Variants in COL25A1 observed in about 807,000 individuals in gnomAD.
The protein encoded by COL25A1 is collagen type XXV alpha 1 chain, also known as collagen alpha-1(XXV) chain.
A neutral mutation model predicts 128.4 loss-of-function variants in COL25A1; 103 were observed. The observed-to-expected ratio is 0.80, with a 90% confidence interval of 0.68 to 0.94. The LOEUF is 0.94. COL25A1 is among the 40% of genes least tolerant of loss of function. The probability of loss-of-function intolerance (pLI) is 0.00; values close to 1 mark genes in which losing one functional copy is unlikely to be tolerated. For missense variants in COL25A1, 745 were observed against 840.0 expected (o/e 0.89, Z 1.40); for synonymous variants, 279 against 277.2 (o/e 1.01, Z -0.06).
At chr4:109,217,691 A>G (rs1173210058) in intron 3 of COL25A1, among the ~76,000 whole-genome samples, 1 of 152,154 alleles carries the variant, frequency 6.6e-6, no homozygotes, top group Non-Finnish European at 1.5e-5. Flanking sequence ...TCCTTTGTGG[A>G]TCACGTTTGA....
At chr4:109,235,415 G>T (rs1779407746) in intron 3 of COL25A1, among the ~76,000 whole-genome samples, 1 of 152,080 alleles carries the variant, frequency 6.6e-6, no homozygotes, top group South Asian at 2.1e-4. Flanking sequence ...GGGAAGATCT[G>T]AGAAGATACT....
intron 6 of COL25A1, among the ~76,000 whole-genome samples, chr4:109,008,395 T>C (rs545435362): frequency 6.6e-6 from 1 of 152,336 alleles, no homozygotes; most frequent in Non-Finnish European, 1.5e-5. Context: ...ATCCATTTTT[T>C]GGTTTTGTTG....
chr4:109,301,502 G>C (rs1416924894), intron 2 of COL25A1, among the ~76,000 whole-genome samples: 2 of 152,168 alleles, frequency 1.3e-5, no homozygotes, highest in Non-Finnish European at 2.9e-5. Flanking sequence ...AACATTAAGA[G>C]AGAGTGAGGG....
chr4:109,037,157 T>C (rs1215291002), intron 5 of COL25A1, among the ~76,000 whole-genome samples: 1 of 152,234 alleles, frequency 6.6e-6, no homozygotes, highest in East Asian at 1.9e-4. Context: ...AGGAAGCTTG[T>C]GATATAAAAC....
At chr4:109,029,387 CCCA>C (rs1341312557) in intron 5 of COL25A1, among the ~76,000 whole-genome samples, 2 of 152,176 alleles carry the variant, frequency 1.3e-5, no homozygotes, top group African/African-American at 4.8e-5. Flanking sequence ...GTCAACAATG[CCCA>C]CGTCATTCAC....
intron 22 of COL25A1, among the ~76,000 whole-genome samples, chr4:108,861,952 T>C (rs138678042): frequency 6.6e-6 from 1 of 152,342 alleles, no homozygotes; most frequent in African/African-American, 2.4e-5. Context: ...ATTAATAATC[T>C]TTGCTCTCTG....
intron 8 of COL25A1, among the ~76,000 whole-genome samples, chr4:108,955,938 T>A (rs1272659439): frequency 2.0e-5 from 3 of 152,156 alleles, no homozygotes; most frequent in African/African-American, 7.2e-5. Context: ...AATATAAATG[T>A]GTTTTAGCCA....
intron 3 of COL25A1, among the ~76,000 whole-genome samples, chr4:109,234,424 G>A (rs75157568): frequency 0.061 from 9,238 of 152,024 alleles, 510 homozygotes; most frequent in African/African-American, 0.14. Context: ...GTTGACAATT[G>A]TTAATATTAG....
intron 6 of COL25A1, among the ~76,000 whole-genome samples, chr4:108,987,335 A>T (rs1309503089): frequency 2.0e-5 from 3 of 150,310 alleles, no homozygotes; most frequent in Non-Finnish European, 4.4e-5. Flanking sequence ...ATCAATTGTC[A>T]TTTTGCTTGG....
intron 3 of COL25A1, among the ~76,000 whole-genome samples, chr4:109,068,744 AT>A (rs1762669459): frequency 6.6e-6 from 1 of 152,168 alleles, no homozygotes; most frequent in Non-Finnish European, 1.5e-5. Flanking sequence ...GAAATACTAA[AT>A]ATGACCTCAC....
At chr4:109,150,458 T>C (rs1166301788) in intron 3 of COL25A1, among the ~76,000 whole-genome samples, 1 of 152,128 alleles carries the variant, frequency 6.6e-6, no homozygotes, top group African/African-American at 2.4e-5. Flanking sequence ...CCAGGGATGT[T>C]GCATAGCAAG....
At chr4:108,909,593 T>C (rs1743969893) in intron 13 of COL25A1, among the ~76,000 whole-genome samples, 1 of 152,240 alleles carries the variant, frequency 6.6e-6, no homozygotes, top group African/African-American at 2.4e-5. Flanking sequence ...ATATTGTTCA[T>C]GTAGACAGAA....
intron 10 of COL25A1, among the ~76,000 whole-genome samples, chr4:108,939,465 G>A (rs976917238): frequency 9.9e-5 from 15 of 151,992 alleles, no homozygotes; most frequent in Admixed American, 5.2e-4. Context: ...TTTAAAGTAC[G>A]CTATATTCTC....
Position 109,129,391 on chromosome 4 carries a change from A to G in COL25A1, c.368-79212T>C, listed in dbSNP as rs11940751. ...AGATCCGCCCACCTGAGCCTCCCAA[A>G]GTGCTGGGATTACAGGCATGAGCCA... is the stretch of plus-strand genomic sequence containing the variant. On this transcript the variant is annotated intron_variant, in intron 3 of 37. Transcript: ENST00000399132. 7.1e-3 allele frequency among the ~76,000 whole-genome samples: 1,080 copies of G among 152,184 alleles called. 12 individuals carry two copies. Among genetic ancestry groups the G allele is most frequent in the African/African-American group, 0.024 (1,011 of 41,540 alleles).
rs540801040 is a variant in COL25A1 at position 109,142,356 on chromosome 4, A to G, written c.368-92177T>C. 1.8e-4 allele frequency among the ~76,000 whole-genome samples: 27 copies of G among 152,298 alleles called. No individual in the cohort carries two copies. In the South Asian group the frequency reaches 5.2e-3, roughly 29 times the overall value. On this transcript the variant is annotated intron_variant, in intron 3 of 37. Transcript: ENST00000399132. Reference sequence around the variant, plus strand: ...TTCCAATTATGTGGTCAGTTTTAGAATAAGTGCGATGTAGTGCTGAGAAGA... The same window carrying G: ...TTCCAATTATGTGGTCAGTTTTAGAGTAAGTGCGATGTAGTGCTGAGAAGA...
chr4:108,832,973 T>TAATAAATAAATAAATAAATACATAAATA (rs1553944787), intron 31 of COL25A1, among the ~76,000 whole-genome samples: 51 of 106,160 alleles, frequency 4.8e-4, no homozygotes, highest in African/African-American at 1.5e-3. Context: ...TCTCAAAAAA[T>TAATAAATAAATAAATAAATACATAAATA]AATAAATAAA....
chr4:108,973,573 T>G (rs1181285731), intron 8 of COL25A1, among the ~76,000 whole-genome samples: 7 of 152,228 alleles, frequency 4.6e-5, no homozygotes, highest in Admixed American at 4.6e-4. Flanking sequence ...CTGAAAGTTT[T>G]AAATGAGCCT....
intron 37 of COL25A1, 49 bp downstream of exon 37, chr4:108,817,348 A>C: frequency 6.4e-7 from 1 of 1,571,646 alleles, no homozygotes. Context: ...AGTCCAGGTT[A>C]AGAGAAAGGG....
intron 3 of COL25A1, among the ~76,000 whole-genome samples, chr4:109,282,798 A>T (rs1723502865): frequency 6.6e-6 from 1 of 152,200 alleles, no homozygotes; most frequent in Admixed American, 6.5e-5. Context: ...AGATATATTA[A>T]GTTTGCTGTG....
Sources: gnomAD v4.1 joint callset for allele counts (sites outside exome capture counted in the v4.1 genomes callset) on GRCh38, gnomAD v4.1.1 for gene constraint, MANE v1.5 for transcripts, NCBI Gene and HGNC (gene_info 2026-07-23, HGNC 2026-07-21) for gene names.